IGSF3: variants seen among roughly 807,000 people sequenced by gnomAD.
IGSF3 encodes immunoglobulin superfamily member 3.
IGSF3 carries 23 observed loss-of-function variants against 114.4 expected under a neutral mutation model. The ratio of observed to expected loss-of-function variants is 0.20; its 90% CI spans 0.14 to 0.28. IGSF3 has a LOEUF of 0.28. Ranked by LOEUF, IGSF3 falls within the 10% of genes least tolerant of loss-of-function variation. The probability of loss-of-function intolerance (pLI) is 1.00; values close to 1 mark genes in which losing one functional copy is unlikely to be tolerated. For missense variants in IGSF3, 1,172 were observed against 1,591.5 expected (o/e 0.74, Z 4.48); for synonymous variants, 571 against 645.2 (o/e 0.88, Z 1.74).
chr1:116,586,389 TTG>T (rs372655724), intron 8 of IGSF3, among the ~76,000 whole-genome samples: 6 of 151,534 alleles, frequency 4.0e-5, no homozygotes, highest in Non-Finnish European at 7.4e-5. Context: ...GGGGGGATTT[TTG>T]TGTGTGTGTG....
intron 2 of IGSF3, among the ~76,000 whole-genome samples, chr1:116,645,871 C>T (rs559378718): frequency 8.5e-5 from 13 of 152,324 alleles, no homozygotes; most frequent in East Asian, 3.9e-4. Context: ...ACCAGGACAG[C>T]GGCTGAGCAC....
rs887191927 is a variant in IGSF3 at position 116,610,169 on chromosome 1, G to A, written c.833-1838C>T. 1.5e-4 allele frequency among the ~76,000 whole-genome samples: 23 copies of A among 152,144 alleles called. No homozygotes were observed. Among genetic ancestry groups the A allele is most frequent in the Admixed American group, 2.0e-4 (3 of 15,282 alleles). ...TGGGACAGTCCCCGTGTTATCTGCT[G>A]GATATTATCTCTCAGGTCAACCCAG... On this transcript the variant is annotated intron_variant, in intron 4 of 10. Transcript: ENST00000369486. The surrounding 1 kb of genome is among the most constrained non-coding windows in gnomAD (Gnocchi z 4.3).
In IGSF3 at chr1:116,628,359, A is replaced by G. The variant is rs905793383; in HGVS notation, c.44-11902T>C. ...TGCTGCACTCCCCACTGTGGTTCTC[A>G]GCGCAAATTCCCCAGAAAGCAATCT... On this transcript the variant is annotated intron_variant, in intron 2 of 10. Transcript: ENST00000369486. This position sits in a 1 kb window ranked among gnomAD's most constrained non-coding sequence, Gnocchi z 4.2. Among the ~76,000 whole-genome samples the G allele has an allele frequency of 1.2e-4, 18 of 152,136 alleles. No homozygotes were observed. Among genetic ancestry groups the G allele is most frequent in the African/African-American group, 4.3e-4 (18 of 41,434 alleles).
intron 6 of IGSF3, among the ~76,000 whole-genome samples, chr1:116,601,172 T>C (rs954098578): frequency 9.8e-5 from 15 of 152,294 alleles, no homozygotes; most frequent in African/African-American, 3.6e-4. Flanking sequence ...CAAAACAACC[T>C]TGTAGAACAG....
At position 116,629,082 on chromosome 1, in the gene IGSF3, G is replaced by A. The variant is rs137952491; in HGVS notation, c.44-12625C>T. Among the ~76,000 whole-genome samples, 148 of 152,264 alleles carry A rather than the reference G, an allele frequency of 9.7e-4. 1 individual carries two copies. The highest frequency in any genetic ancestry group is 3.4e-3 in the African/African-American group (143 of 41,536). ...CAAGAATGAGCACTATACCATAGGG[G>A]GGTGGGTCACAAAAGCAGGAAAAGG... On this transcript the variant is annotated intron_variant, in intron 2 of 10. Coordinates refer to ENST00000369486, the MANE Select transcript of IGSF3 (RefSeq NM_001007237.3). The surrounding 1 kb of genome is among the most constrained non-coding windows in gnomAD (Gnocchi z 4.3).
chr1:116,634,260 T>C lies in IGSF3; in HGVS notation c.44-17803A>G, dbSNP rs566702110. ...GGAGACAGTATAAAAAAGACAAGGA[T>C]AATTTTAAATTTCTCCTAATAAAAC... On this transcript the variant is annotated intron_variant, in intron 2 of 10. Transcript: ENST00000369486. The surrounding 1 kb of genome is among the most constrained non-coding windows in gnomAD (Gnocchi z 4.2). Among the ~76,000 whole-genome samples, 4 of 152,274 alleles carry C rather than the reference T, an allele frequency of 2.6e-5. No homozygotes were observed. The highest frequency in any genetic ancestry group is 9.6e-5 in the African/African-American group (4 of 41,542).
rs1375887452 is a variant in IGSF3, at chr1:116,664,842, C to A, written c.43+1442G>T. Among the ~76,000 whole-genome samples the A allele has an allele frequency of 6.6e-6, 1 of 152,202 alleles. No individual in the cohort carries two copies. Among genetic ancestry groups the A allele is most frequent in the Non-Finnish European group, 1.5e-5 (1 of 68,038 alleles). ...GCGCTAGTGAACTCACCCACTGGTT[C>A]TCTACTGAACCATGCATGGAATTAC... On this transcript the variant is annotated intron_variant, in intron 2 of 10. Coordinates refer to ENST00000369486, the MANE Select transcript of IGSF3 (RefSeq NM_001007237.3). The surrounding 1 kb of genome is among the most constrained non-coding windows in gnomAD (Gnocchi z 4.6).
rs1648176931 is a variant in IGSF3 at position 116,642,990 on chromosome 1, T to C, written c.43+23294A>G. On this transcript the variant is annotated intron_variant, in intron 2 of 10. Coordinates refer to ENST00000369486, the MANE Select transcript of IGSF3 (RefSeq NM_001007237.3). This position sits in a 1 kb window ranked among gnomAD's most constrained non-coding sequence, Gnocchi z 5.4. ...CCTCTGCCCCTAAAGCAATTATTCA[T>C]TAACCACAGGGATCCACCATCCAGG... 2.0e-5 allele frequency among the ~76,000 whole-genome samples: 3 copies of C among 152,290 alleles called. No homozygotes were observed. In the South Asian group the frequency reaches 6.2e-4, roughly 32 times the overall value.
rs549382897 is a variant in IGSF3 at position 116,582,681 on chromosome 1, G to T, written c.2848+1964C>A. ...CTATGAAATGCTTTCACAGACATGG[G>T]AAAACGCTCATAAAAGAAAGTTGAG... On this transcript the variant is annotated intron_variant, in intron 9 of 10. Transcript: ENST00000369486. The surrounding 1 kb of genome is among the most constrained non-coding windows in gnomAD (Gnocchi z 4.7). Among the ~76,000 whole-genome samples, 7 of 152,172 alleles carry T rather than the reference G, an allele frequency of 4.6e-5. No individual in the cohort carries two copies. The highest frequency in any genetic ancestry group is 1.7e-4 in the African/African-American group (7 of 41,500).
rs570293321 is a variant in IGSF3 at position 116,633,779 on chromosome 1, C to T, written c.44-17322G>A. ...AAGAACACTGAGAAACCATAGAAAG[C>T]AAAAATGAAAAGCCAACATAGAAAA... On this transcript the variant is annotated intron_variant, in intron 2 of 10. Coordinates refer to ENST00000369486, the MANE Select transcript of IGSF3 (RefSeq NM_001007237.3). The surrounding 1 kb of genome is among the most constrained non-coding windows in gnomAD (Gnocchi z 4.3). Among the ~76,000 whole-genome samples, 148 of 152,260 alleles carry T rather than the reference C, an allele frequency of 9.7e-4. 1 individual carries two copies. Among genetic ancestry groups the T allele is most frequent in the Middle Eastern group, 6.8e-3 (2 of 294 alleles).
At chr1:116,578,222 CCT>C (rs1026187315) in intron 10 of IGSF3, among the ~76,000 whole-genome samples, 2 of 152,122 alleles carry the variant, frequency 1.3e-5, no homozygotes, top group African/African-American at 4.8e-5. Context: ...TCTGGGAGCC[CCT>C]GTTTTCTCTG....
At chr1:116,597,559 A>G (rs2101411012) in intron 7 of IGSF3, among the ~76,000 whole-genome samples, 1 of 152,316 alleles carries the variant, frequency 6.6e-6, no homozygotes, top group East Asian at 1.9e-4. Flanking sequence ...GTGCACCTTT[A>G]AGTAGAGGCC....
Position 116,592,643 on chromosome 1 carries a change from G to A in IGSF3, c.2030-3539C>T, listed in dbSNP as rs200763351. Among the ~76,000 whole-genome samples, 1 of 152,084 alleles carries A rather than the reference G, an allele frequency of 6.6e-6. No individual in the cohort carries two copies. Among genetic ancestry groups the A allele is most frequent in the East Asian group, 1.9e-4 (1 of 5,174 alleles). ...TTCTCAGCCAGCCTACCCTCCCTTC[G>A]GATTCCACTCTGTGCGTGCTCTTCT... is the stretch of plus-strand genomic sequence containing the variant. On this transcript the variant is annotated intron_variant, in intron 7 of 10. Coordinates refer to ENST00000369486, the MANE Select transcript of IGSF3 (RefSeq NM_001007237.3). The surrounding 1 kb of genome is among the most constrained non-coding windows in gnomAD (Gnocchi z 4.5).
chr1:116,626,644 T>TCA (rs1647300353), intron 2 of IGSF3, among the ~76,000 whole-genome samples: 1 of 152,178 alleles, frequency 6.6e-6, no homozygotes, highest in Non-Finnish European at 1.5e-5. Flanking sequence ...CATGGCTATT[T>TCA]CACCCTATGC....
rs1298132060 is a variant in IGSF3, at chr1:116,610,214, C to T, written c.833-1883G>A. On this transcript the variant is annotated intron_variant, in intron 4 of 10. Transcript: ENST00000369486. The surrounding 1 kb of genome is among the most constrained non-coding windows in gnomAD (Gnocchi z 4.3). ...ACCCAGTTAGTCATTTATAACCCAA[C>T]ATCAATGACAGAAAAGCACTCCTTC... 6.6e-6 allele frequency among the ~76,000 whole-genome samples: 1 copy of T among 152,214 alleles called. No homozygotes were observed. The highest frequency in any genetic ancestry group is 6.5e-5 in the Admixed American group (1 of 15,290).
In IGSF3 at chr1:116,614,763, C is replaced by T. The variant is rs1345594494; in HGVS notation, c.422-588G>A. On this transcript the variant is annotated intron_variant, in intron 3 of 10. Transcript: ENST00000369486. The surrounding 1 kb of genome is among the most constrained non-coding windows in gnomAD (Gnocchi z 4.5). Reference sequence around the variant, plus strand: ...TTTAATTTTCGCATAATTCATCGATCAAAGGGGTCCTCACTGGAAGGAAGC... The same window carrying T: ...TTTAATTTTCGCATAATTCATCGATTAAAGGGGTCCTCACTGGAAGGAAGC... Among the ~76,000 whole-genome samples the T allele has an allele frequency of 6.6e-6, 1 of 152,092 alleles. No individual in the cohort carries two copies. Among genetic ancestry groups the T allele is most frequent in the Non-Finnish European group, 1.5e-5 (1 of 68,018 alleles).
chr1:116,665,394 G>T lies in IGSF3; in HGVS notation c.43+890C>A, dbSNP rs577498570. ...GGGCAGGGGGTGTGCTCATGTATGA[G>T]GTCTGAGATGGGGAAAGAGAATGGC... On this transcript the variant is annotated intron_variant, in intron 2 of 10. Coordinates refer to ENST00000369486, the MANE Select transcript of IGSF3 (RefSeq NM_001007237.3). This position sits in a 1 kb window ranked among gnomAD's most constrained non-coding sequence, Gnocchi z 4.0. Among the ~76,000 whole-genome samples the T allele has an allele frequency of 6.6e-6, 1 of 152,308 alleles. No homozygotes were observed. Among genetic ancestry groups the T allele is most frequent in the African/African-American group, 2.4e-5 (1 of 41,568 alleles).
chr1:116,604,942 T>C (rs903921403), intron 5 of IGSF3, among the ~76,000 whole-genome samples: 10 of 152,242 alleles, frequency 6.6e-5, no homozygotes, highest in African/African-American at 2.4e-4. Context: ...AGATGATGCA[T>C]ATAGATTCAC....
intron 5 of IGSF3, among the ~76,000 whole-genome samples, chr1:116,604,387 G>C (rs1168017674): frequency 6.6e-6 from 1 of 152,122 alleles, no homozygotes; most frequent in Non-Finnish European, 1.5e-5. Flanking sequence ...TTTTCAAGTT[G>C]AATTTTCAGC....
Sources: gnomAD v4.1 joint callset for allele counts (sites outside exome capture counted in the v4.1 genomes callset) on GRCh38, gnomAD v4.1.1 for gene constraint, Gnocchi (gnomAD v3.1) non-coding constraint, MANE v1.5 for transcripts, NCBI Gene and HGNC (gene_info 2026-07-23, HGNC 2026-07-21) for gene names.